The following CUL7 variants were observed in gnomAD, a reference collection of about 807,000 sequenced individuals.
The protein encoded by CUL7 is cullin-7.
Under a neutral mutation model 177.7 loss-of-function variants are expected in CUL7, and 96 were observed. The observed-to-expected ratio is 0.54, with a 90% CI of 0.46 to 0.64. The LOEUF (loss-of-function observed/expected upper bound fraction) is 0.64. Ranked by LOEUF, CUL7 falls within the 30% of genes least tolerant of loss-of-function variation. CUL7 has a pLI of 0.00. For missense variants in CUL7, 1,893 were observed against 2,187.9 expected (o/e 0.87, Z 2.69); for synonymous variants, 824 against 890.2 (o/e 0.93, Z 1.32).
At chr6:43,042,745 G>A in intron 19 of CUL7, 57 bp downstream of exon 19, 1 of 1,138,860 alleles carries the variant, frequency 8.8e-7, no homozygotes, top group East Asian at 2.4e-5. Context: ...TGGAGGAGGT[G>A]AGGAAGGGAG....
In CUL7 at chr6:43,050,886, G is replaced by A; in HGVS notation, c.1233+82C>T. 6.4e-7 allele frequency: 1 copy of A among 1,552,924 alleles called. No individual in the cohort carries two copies. Among genetic ancestry groups the A allele is most frequent in the Non-Finnish European group, 8.8e-7 (1 of 1,135,600 alleles). Reference sequence around the variant, plus strand: ...AAGCTTTCTCTTTGGGTGGCCTGCTGGAGCCCCCCCATATAGAAGTCCCAG... The same window carrying A: ...AAGCTTTCTCTTTGGGTGGCCTGCTAGAGCCCCCCCATATAGAAGTCCCAG... On this transcript the variant is annotated intron_variant, in intron 4 of 25. Coordinates refer to ENST00000265348, the MANE Select transcript of CUL7 (RefSeq NM_014780.5). The surrounding 1 kb of genome is among the most constrained non-coding windows in gnomAD (Gnocchi z 4.1).
In CUL7 at chr6:43,037,865, C is replaced by T. The variant is rs772769284; in HGVS notation, c.4920G>A (p.Arg1640=). The T allele has an allele frequency of 6.2e-7, 1 of 1,613,678 alleles. No homozygotes were observed. The highest frequency in any genetic ancestry group is 1.3e-5 in the African/African-American group (1 of 75,006). ...GKGTLRRHDD[R]PQVLSYAVPV... is the part of the protein sequence containing the mutation. ...GGACTGCATAGGACAGCACCTGGGG[C>T]CGGTCGTCATGGCGTCTCAGCGTGC... The change falls in exon 26 of 26, where the codon CGG becomes CGA. Residue 1640 remains arginine (R), a synonymous_variant. Transcript: ENST00000265348.
chr6:43,053,162 G>T lies in CUL7; in HGVS notation c.-8-366C>A, dbSNP rs974969788. Among the ~76,000 whole-genome samples, 3 of 152,194 alleles carry T rather than the reference G, an allele frequency of 2.0e-5. No individual in the cohort carries two copies. Among genetic ancestry groups the T allele is most frequent in the Admixed American group, 1.3e-4 (2 of 15,276 alleles). ...TATGGGGTATGTGAAGCCCAGAGGGGTATGTTTGGGAGGGAGATCGTGAGT... is the reference window on the plus strand; with the variant it reads ...TATGGGGTATGTGAAGCCCAGAGGGTTATGTTTGGGAGGGAGATCGTGAGT... On this transcript the variant is annotated intron_variant, in intron 1 of 25. Coordinates refer to ENST00000265348, the MANE Select transcript of CUL7 (RefSeq NM_014780.5). This position sits in a 1 kb window ranked among gnomAD's most constrained non-coding sequence, Gnocchi z 4.1.
Position 43,053,140 on chromosome 6 carries a change from G to C in CUL7, c.-8-344C>G, listed in dbSNP as rs1016230107. 1.3e-5 allele frequency among the ~76,000 whole-genome samples: 2 copies of C among 152,212 alleles called. No homozygotes were observed. The highest frequency in any genetic ancestry group is 4.8e-5 in the African/African-American group (2 of 41,454). On this transcript the variant is annotated intron_variant, in intron 1 of 25. Coordinates refer to ENST00000265348, the MANE Select transcript of CUL7 (RefSeq NM_014780.5). The surrounding 1 kb of genome is among the most constrained non-coding windows in gnomAD (Gnocchi z 4.1). ...GGCCTTGGAACAGGCAGCAACCTAT[G>C]GGGTATGTGAAGCCCAGAGGGGTAT...
At position 43,051,385 on chromosome 6, in the gene CUL7, C is replaced by T. The variant is rs772341987; in HGVS notation, c.816G>A (p.Ala272=). 10 of 1,614,058 alleles carry T rather than the reference C, an allele frequency of 6.2e-6. No individual in the cohort carries two copies. The highest frequency in any genetic ancestry group is 5.0e-5 in the Admixed American group (3 of 60,018). The change falls in exon 4 of 26, where the codon GCG becomes GCA. Residue 272 remains alanine (A), a synonymous_variant. Transcript: ENST00000265348. The surrounding 1 kb of genome is among the most constrained non-coding windows in gnomAD (Gnocchi z 5.0). Reference sequence around the variant, plus strand: ...CAGAGGTGTTCTGGGCTCCTGGCTCCGCAGCACTGTCGTTCAGCTGATCCA... The same window carrying T: ...CAGAGGTGTTCTGGGCTCCTGGCTCTGCAGCACTGTCGTTCAGCTGATCCA... ...SLLDQLNDSA[A]EPGAQNTSAP...
chr6:43,046,890 C>A lies in CUL7; in HGVS notation c.2387G>T (p.Gly796Val). 1 of 1,596,038 alleles carries A rather than the reference C, an allele frequency of 6.3e-7. No homozygotes were observed. ...YRKLITNILG[G>V]CIQMVLGQIE... ...CCCCTTCCTCCTGACCTGGATGCAG[C>A]CTCCCAGGATGTTGGTGATGAGTTT... Residue 796 changes from glycine (G) to valine (V), a missense_variant, in exon 10 of 26, where the codon GGC becomes GTC. By Grantham distance (109) the Gly-to-Val change is moderately radical. Coordinates refer to ENST00000265348, the MANE Select transcript of CUL7 (RefSeq NM_014780.5).
chr6:43,052,507 C>G lies in CUL7; in HGVS notation c.282G>C (p.Glu94Asp). Residue 94 changes from glutamate to aspartate, a missense_variant, in exon 2 of 26, where the codon GAG (glutamate) becomes GAC (aspartate). This residue lies in a region of CUL7 where 653 missense variants were observed against 725.2 expected (regional missense o/e 0.90). Coordinates refer to ENST00000265348, the MANE Select transcript of CUL7 (RefSeq NM_014780.5). This position sits in a 1 kb window ranked among gnomAD's most constrained non-coding sequence, Gnocchi z 4.5. ...CCAGGGCCCCAACCTCCCCTGCAGACTCCTGGGAGGGCCCGATGACCTGGC... is the reference window on the plus strand; with the variant it reads ...CCAGGGCCCCAACCTCCCCTGCAGAGTCCTGGGAGGGCCCGATGACCTGGC... The part of the protein sequence containing the change: ...EDGQVIGPSQ[E>D]SAGEVGALDK... The G allele has an allele frequency of 6.2e-7, 1 of 1,614,230 alleles. No homozygotes were observed. The highest frequency in any genetic ancestry group is 8.5e-7 in the Non-Finnish European group (1 of 1,180,038).
Position 43,052,741 on chromosome 6 carries a change from G to A in CUL7, c.48C>T (p.Pro16=), listed in dbSNP as rs774372821. The part of the protein sequence containing the change: ...RYREFRVPLG[P]GLHAYPDELI... ...GCTCATCAGGATAGGCATGTAAGCC[G>A]GGCCCCAGGGGCACCCTGAATTCCC... Residue 16 remains proline (P), a synonymous_variant, in exon 2 of 26, where the codon CCC becomes CCT. Coordinates refer to ENST00000265348, the MANE Select transcript of CUL7 (RefSeq NM_014780.5). This position sits in a 1 kb window ranked among gnomAD's most constrained non-coding sequence, Gnocchi z 4.5. 47 of 1,610,464 alleles carry A rather than the reference G, an allele frequency of 2.9e-5. No homozygotes were observed. The highest frequency in any genetic ancestry group is 3.3e-5 in the Admixed American group (2 of 60,000).
chr6:43,044,497 CA>C lies in CUL7; in HGVS notation c.3172+254del, dbSNP rs35607536. Among the ~76,000 whole-genome samples the C allele has an allele frequency of 0.3, 39,398 of 133,242 alleles. 7,843 individuals are homozygous for C. The highest frequency in any genetic ancestry group is 0.59 in the African/African-American group (22,417 of 37,952). 87.4% of individuals were successfully genotyped at this position (133,242 alleles called of 152,430 possible). A position where few individuals can be genotyped will look rare whatever the true frequency, so the allele number is the denominator to read the frequency against. On this transcript the variant is annotated intron_variant, in intron 16 of 25. Transcript: ENST00000265348. ...GTGGGTAACGAGCGAAAATCTGTCT[CA>C]AAAAAAAAAAAAAGAAGAATGATAA...
At position 43,049,723 on chromosome 6, in the gene CUL7, C is replaced by T. The variant is rs763077547; in HGVS notation, c.1570-61G>A. The T allele has an allele frequency of 6.4e-5, 102 of 1,603,072 alleles. 3 individuals are homozygous for T. In the South Asian group the frequency reaches 6.9e-4, roughly 11 times the overall value. On this transcript the variant is annotated intron_variant, in intron 6 of 25. Transcript: ENST00000265348. Reference sequence around the variant, plus strand: ...CTGCCGACCCAGAGGCCCCAGGGAGCACTTGGTAGGGGTGGGGGTCTCTCT... The same window carrying T: ...CTGCCGACCCAGAGGCCCCAGGGAGTACTTGGTAGGGGTGGGGGTCTCTCT...
Position 43,042,859 on chromosome 6 carries a change from C to T in CUL7, c.3588G>A (p.Ala1196=), listed in dbSNP as rs141610497. 6.2e-6 allele frequency: 10 copies of T among 1,613,610 alleles called. No homozygotes were observed. The highest frequency in any genetic ancestry group is 2.7e-5 in the African/African-American group (2 of 74,904). The stretch of plus-strand genomic sequence containing the variant: ...AGGCTCCCGCACAGCCATTTTGCAG[C>T]GCCAGCAAGAAGGCTGCCCGAGGCC... ...LFGPRAAFLL[A]LQNGCAGALL... The change falls in exon 19 of 26, where the codon GCG becomes GCA. Residue 1196 remains alanine (A), a synonymous_variant. Coordinates refer to ENST00000265348, the MANE Select transcript of CUL7 (RefSeq NM_014780.5).
In CUL7 at chr6:43,051,928, C is replaced by T. The variant is rs41274916; in HGVS notation, c.581-165G>A. On this transcript the variant is annotated intron_variant, in intron 2 of 25. Coordinates refer to ENST00000265348, the MANE Select transcript of CUL7 (RefSeq NM_014780.5). The surrounding 1 kb of genome is among the most constrained non-coding windows in gnomAD (Gnocchi z 5.0). ...TAACTTATACACATACACACACACA[C>T]GCACATAAACACGATCTACAATAGT... Among the ~76,000 whole-genome samples, 35,380 of 152,140 alleles carry T rather than the reference C, an allele frequency of 0.23. 6,725 individuals are homozygous for T. Among genetic ancestry groups the T allele is most frequent in the African/African-American group, 0.52 (21,687 of 41,454 alleles).
At position 43,052,669 on chromosome 6, in the gene CUL7, G is replaced by A. The variant is rs1240142191; in HGVS notation, c.120C>T (p.Ile40=). The part of the protein sequence containing the change: ...VGHDGHPEYQ[I]RWLILRRGDE... ...CGCCACGCCGCAGGATGAGCCAACGGATCTGGTACTCAGGATGCCCATCAT... is the reference window on the plus strand; with the variant it reads ...CGCCACGCCGCAGGATGAGCCAACGAATCTGGTACTCAGGATGCCCATCAT... Residue 40 remains isoleucine, a synonymous_variant, in exon 2 of 26, where the codon ATC becomes ATT. Transcript: ENST00000265348. This position sits in a 1 kb window ranked among gnomAD's most constrained non-coding sequence, Gnocchi z 4.5. 1.2e-6 allele frequency: 2 copies of A among 1,614,066 alleles called. No individual in the cohort carries two copies. Among genetic ancestry groups the A allele is most frequent in the Non-Finnish European group, 1.7e-6 (2 of 1,180,058 alleles).
chr6:43,043,739 G>A lies in CUL7; in HGVS notation c.3173-109C>T, dbSNP rs1561880480. On this transcript the variant is annotated intron_variant, in intron 16 of 25. Coordinates refer to ENST00000265348, the MANE Select transcript of CUL7 (RefSeq NM_014780.5). This position sits in a 1 kb window ranked among gnomAD's most constrained non-coding sequence, Gnocchi z 4.2. ...AGAGCAACTGGACGGAATGATACAA[G>A]GAAGGGGGGCCAGGTAGGGTGGTTT... 3 of 777,954 alleles carry A rather than the reference G, an allele frequency of 3.9e-6. No individual in the cohort carries two copies. The East Asian group carries it at 8.0e-5, about 21-fold the overall frequency. The allele number at this position is 777,954 out of a possible 1,614,324, so 48.2% of individuals were successfully genotyped here.
intron 22 of CUL7, among the ~76,000 whole-genome samples, 177 bp downstream of exon 22, chr6:43,039,979 A>C (rs1400539756): frequency 1.3e-5 from 2 of 152,068 alleles, no homozygotes; most frequent in Non-Finnish European, 2.9e-5. Context: ...ACCTCAAGTG[A>C]TCTGCCTGCC....
rs570349308 is a variant in CUL7 at position 43,045,046 on chromosome 6, C to G, written c.3039-161G>C. Among the ~76,000 whole-genome samples the G allele has an allele frequency of 3.9e-5, 6 of 152,272 alleles. No individual in the cohort carries two copies. The highest frequency in any genetic ancestry group is 1.3e-4 in the Admixed American group (2 of 15,296). On this transcript the variant is annotated intron_variant, in intron 15 of 25. Coordinates refer to ENST00000265348, the MANE Select transcript of CUL7 (RefSeq NM_014780.5). This position sits in a 1 kb window ranked among gnomAD's most constrained non-coding sequence, Gnocchi z 4.8. ...CTAACTGGTATATCCCATTCCCAGC[C>G]CACTGGAGAAATCTTTTCTCTTTAT...
At position 43,040,280 on chromosome 6, in the gene CUL7, A is replaced by G; in HGVS notation, c.4170T>C (p.Ser1390=). The part of the protein sequence containing the change: ...LYYEGAMPEV[S]VLVLSRHSWP... ...AGGAGTGTCGGGACAGGACAAGCAC[A>G]GACACTTCTGGCATTGCCCCTTCAT... Residue 1390 remains serine, a synonymous_variant, in exon 22 of 26, where the codon TCT becomes TCC. Transcript: ENST00000265348. The surrounding 1 kb of genome is among the most constrained non-coding windows in gnomAD (Gnocchi z 4.2). The G allele has an allele frequency of 1.2e-6, 2 of 1,614,152 alleles. No individual in the cohort carries two copies. The highest frequency in any genetic ancestry group is 1.7e-6 in the Non-Finnish European group (2 of 1,180,018).
rs749621756 is a variant in CUL7, at chr6:43,052,367, A to T, written c.422T>A (p.Val141Asp). The T allele has an allele frequency of 1.9e-6, 3 of 1,614,256 alleles. No individual in the cohort carries two copies. Among genetic ancestry groups the T allele is most frequent in the Non-Finnish European group, 2.5e-6 (3 of 1,180,036 alleles). ...TIPPAPLLHTVHVLSAYASIE... is the reference protein window; with the variant it reads ...TIPPAPLLHTDHVLSAYASIE... ...GCTGGCATAGGCGCTGAGCACGTGG[A>T]CAGTGTGAAGTAGAGGAGCAGGAGG... The change falls in exon 2 of 26, where the codon GTC (valine) becomes GAC (aspartate). Residue 141 changes from valine to aspartate, a missense_variant. This residue lies in a region of CUL7 where 653 missense variants were observed against 725.2 expected (regional missense o/e 0.90). Transcript: ENST00000265348. The surrounding 1 kb of genome is among the most constrained non-coding windows in gnomAD (Gnocchi z 4.5).
At chr6:43,049,807 C>T (rs1402337376) in intron 6 of CUL7, 145 bp from the exon 7 acceptor site, 2 of 1,360,284 alleles carry the variant, frequency 1.5e-6, no homozygotes, top group Non-Finnish European at 2.1e-6. Context: ...TCCCAAACAG[C>T]TCACCCTCCC....
Sources: gnomAD v4.1 joint callset for allele counts (sites outside exome capture counted in the v4.1 genomes callset) on GRCh38, gnomAD v4.1.1 for gene constraint, gnomAD v4.1.1 regional missense constraint, Gnocchi (gnomAD v3.1) non-coding constraint, MANE v1.5 for transcripts, NCBI Gene and HGNC (gene_info 2026-07-23, HGNC 2026-07-21) for gene names.